Variants in IPO5 observed in about 807,000 individuals in gnomAD.
IPO5 encodes importin 5, also known as importin-5.
IPO5 carries 18 observed loss-of-function variants against 143.3 expected under a neutral mutation model. The observed-to-expected ratio is 0.13, with a 90% CI of 0.09 to 0.19. The LOEUF (loss-of-function observed/expected upper bound fraction) is 0.19. Among genes scored for constraint, IPO5 ranks in the 10% least tolerant of loss-of-function variants. The pLI is 1.00. For missense variants in IPO5, 1,013 were observed against 1,336.9 expected (o/e 0.76, Z 3.78); for synonymous variants, 477 against 465.7 (o/e 1.02, Z -0.31).
At chr13:97,965,550 C>G (rs1885258693) in intron 2 of IPO5, among the ~76,000 whole-genome samples, 1 of 152,086 alleles carries the variant, frequency 6.6e-6, no homozygotes, top group Non-Finnish European at 1.5e-5. Context: ...TTATAATTTT[C>G]AGCATACAAG....
rs374066076 is a variant in IPO5, at chr13:98,021,147, G to A, written c.3207+14G>A. Reference sequence around the variant, plus strand: ...CGCCAAGTACAGGTAAGCTGATTTGGTTGAATTGGGGAGGGGGAGATAAAA... The same window carrying A: ...CGCCAAGTACAGGTAAGCTGATTTGATTGAATTGGGGAGGGGGAGATAAAA... On this transcript the variant is annotated intron_variant, in intron 28 of 28. Transcript: ENST00000651721. 64 of 1,584,422 alleles carry A rather than the reference G, an allele frequency of 4.0e-5. No individual in the cohort carries two copies. The highest frequency in any genetic ancestry group is 3.6e-4 in the Admixed American group (19 of 53,106).
chr13:98,020,898 C>A, intron 27 of IPO5, 94 bp from the exon 28 acceptor site: 1 of 963,770 alleles, frequency 1.0e-6, no homozygotes, highest in Non-Finnish European at 1.6e-6. Flanking sequence ...GGTTTTCTTC[C>A]TACTGAATTT....
chr13:97,984,664 G>C lies in IPO5; in HGVS notation c.172-757G>C, dbSNP rs148095900. Among the ~76,000 whole-genome samples the C allele has an allele frequency of 5.3e-5, 8 of 152,182 alleles. No homozygotes were observed. The East Asian group carries it at 1.5e-3, about 29-fold the overall frequency. On this transcript the variant is annotated intron_variant, in intron 5 of 28. Coordinates refer to ENST00000651721, the MANE Select transcript of IPO5 (RefSeq NM_002271.6). The stretch of plus-strand genomic sequence containing the variant: ...AAAAATAGCCAATTTTATTTGTATA[G>C]CTTAACATTTTTTTTGGTCAAATTC...
At chr13:98,009,787 TA>T in intron 18 of IPO5, 93 bp from the exon 19 acceptor site, 1 of 966,460 alleles carries the variant, frequency 1.0e-6, no homozygotes, top group Non-Finnish European at 1.5e-6. Context: ...AACATATCAA[TA>T]AAACATTGTT....
intron 6 of IPO5, chr13:97,987,990 C>T (rs1425300181): frequency 6.5e-6 from 2 of 305,782 alleles, no homozygotes; most frequent in Admixed American, 3.1e-5. Flanking sequence ...CCCCTCAAAG[C>T]ATCATCTTTA....
intron 2 of IPO5, among the ~76,000 whole-genome samples, chr13:97,963,456 G>A (rs546480648): frequency 6.7e-6 from 1 of 148,556 alleles, no homozygotes; most frequent in Admixed American, 6.9e-5. Flanking sequence ...TGCAATCTCC[G>A]CCTCCTGGGT....
chr13:98,010,641 T>TA (rs1425551558), intron 20 of IPO5, among the ~76,000 whole-genome samples: 2 of 152,102 alleles, frequency 1.3e-5, no homozygotes, highest in Middle Eastern at 3.2e-3. Flanking sequence ...TTCAATTGTG[T>TA]AAAAAAACAG....
intron 4 of IPO5, chr13:97,977,014 C>G (rs1299200968): frequency 1.4e-5 from 3 of 208,070 alleles, no homozygotes; most frequent in South Asian, 1.2e-4. Context: ...TCCCCGCCGC[C>G]GCTCGCACCC....
chr13:98,013,854 C>T (rs1162566111), intron 21 of IPO5, among the ~76,000 whole-genome samples, 188 bp from the exon 22 acceptor site: 3 of 152,060 alleles, frequency 2.0e-5, no homozygotes, highest in African/African-American at 4.8e-5. Flanking sequence ...TCATTCCTGC[C>T]ACTATTACAG....
At chr13:97,982,952 C>T (rs902564103) in intron 5 of IPO5, among the ~76,000 whole-genome samples, 2 of 152,226 alleles carry the variant, frequency 1.3e-5, no homozygotes, top group African/African-American at 4.8e-5. Context: ...CCCACTGCAA[C>T]CTCTGCCTCC....
chr13:97,969,175 A>ATATATT (rs1234384302), intron 2 of IPO5, among the ~76,000 whole-genome samples: 17 of 43,908 alleles, frequency 3.9e-4, no homozygotes, highest in African/African-American at 9.5e-4. Context: ...ATATATATAT[A>ATATATT]TTTTTTTTTT....
chr13:97,975,241 C>CG (rs1377161295), intron 3 of IPO5, among the ~76,000 whole-genome samples: 2 of 30,872 alleles, frequency 6.5e-5, no homozygotes, highest in African/African-American at 3.4e-4. Flanking sequence ...GAGGCCGAGG[C>CG]GGGGGGAGGG....
chr13:98,021,331 C>A, intron 28 of IPO5, 198 bp downstream of exon 28: 1 of 427,416 alleles, frequency 2.3e-6, no homozygotes, highest in Non-Finnish European at 4.0e-6. Flanking sequence ...AGAATTAAAA[C>A]CTTCATCTTA....
chr13:97,984,220 C>T (rs998324874), intron 5 of IPO5, among the ~76,000 whole-genome samples: 4 of 151,734 alleles, frequency 2.6e-5, no homozygotes, highest in South Asian at 2.1e-4. Context: ...CCTCGTGATC[C>T]GCCCGCCTCG....
At chr13:97,998,133 G>T (rs191569296) in intron 12 of IPO5, among the ~76,000 whole-genome samples, 1 of 152,196 alleles carries the variant, frequency 6.6e-6, no homozygotes, top group African/African-American at 2.4e-5. Flanking sequence ...CTGCCACCAC[G>T]TCCAGCTAAT....
At chr13:98,006,780 T>A (rs539284146) in intron 17 of IPO5, among the ~76,000 whole-genome samples, 9 of 152,158 alleles carry the variant, frequency 5.9e-5, no homozygotes, top group African/African-American at 1.9e-4. Context: ...GGATGCTTGT[T>A]TTTTTCCTTA....
chr13:97,967,390 T>C (rs983889797), intron 2 of IPO5, among the ~76,000 whole-genome samples: 8 of 152,170 alleles, frequency 5.3e-5, no homozygotes, highest in African/African-American at 1.7e-4. Flanking sequence ...ATTTCATTTA[T>C]TTCCTTTTAG....
chr13:97,973,368 G>A (rs1885993531), intron 3 of IPO5, among the ~76,000 whole-genome samples: 1 of 152,088 alleles, frequency 6.6e-6, no homozygotes, highest in African/African-American at 2.4e-5. Flanking sequence ...ATAAGAAAAT[G>A]ATACTCTTAT....
chr13:98,002,660 C>T (rs780401181), intron 14 of IPO5, 24 bp from the exon 15 acceptor site: 18 of 1,606,250 alleles, frequency 1.1e-5, no homozygotes, highest in Non-Finnish European at 1.4e-5. Flanking sequence ...CTTGCTTTTA[C>T]TAATGAAAGG....
Sources: allele counts gnomAD v4.1 joint callset (sites outside exome capture counted in the v4.1 genomes callset), GRCh38; gene constraint gnomAD v4.1.1; transcripts MANE v1.5; gene names NCBI Gene and HGNC (gene_info 2026-07-23, HGNC 2026-07-21).